Variants in DOCK5 observed in about 807,000 individuals in gnomAD.
The protein encoded by DOCK5 is dedicator of cytokinesis 5.
A neutral mutation model predicts 251.8 loss-of-function variants in DOCK5; 142 were observed. The observed-to-expected ratio is 0.56, with a 90% CI of 0.49 to 0.65. The LOEUF is 0.65. Among genes scored for constraint, DOCK5 ranks in the 30% least tolerant of loss-of-function variants. The pLI, the probability that DOCK5 is intolerant of heterozygous loss-of-function variation, is 0.00. For missense variants in DOCK5, 2,111 were observed against 2,312.3 expected, an observed-to-expected ratio of 0.91 and a Z score of 1.79; for synonymous variants, 842 against 835.5, an observed-to-expected ratio of 1.01 and a Z score of -0.13.
rs747134524 is a variant in DOCK5 at position 25,321,059 on chromosome 8, A to G, written c.1615+7A>G. 6 of 1,612,024 alleles carry G rather than the reference A, an allele frequency of 3.7e-6. No individual in the cohort carries two copies. The Admixed American group carries it at 1.0e-4, about 27-fold the overall frequency. ...CACAGGTCATCTCAGGAAAGTAAGT[A>G]TTAAGACGTCTATGACATATTTCCA... On this transcript the variant is annotated splice_region_variant and intron_variant, in intron 16 of 51. Transcript: ENST00000276440.
At chr8:25,220,382 T>C (rs905975594) in intron 1 of DOCK5, among the ~76,000 whole-genome samples, 1 of 152,166 alleles carries the variant, frequency 6.6e-6, no homozygotes, top group Non-Finnish European at 1.5e-5. Context: ...TTGTTCTCTT[T>C]CTCTCTAAGA....
Position 25,217,176 on chromosome 8 carries a change from G to GGA in DOCK5, c.44-26487_44-26486dup, listed in dbSNP as rs557812748. 2.1e-3 allele frequency among the ~76,000 whole-genome samples: 314 copies of GGA among 147,618 alleles called. 2 individuals carry two copies. The highest frequency in any genetic ancestry group is 7.4e-3 in the African/African-American group (299 of 40,238). On this transcript the variant is annotated intron_variant, in intron 1 of 51. Transcript: ENST00000276440. ...AGCATTGTTCACTTTCCTGTTGTAG[G>GGA]GAGAGAGAGAGATATATATATATAT...
chr8:25,317,257 A>G, intron 14 of DOCK5, 126 bp downstream of exon 14: 2 of 1,435,576 alleles, frequency 1.4e-6, no homozygotes, highest in South Asian at 2.7e-5. Flanking sequence ...GAAAAGAAAT[A>G]TAAAGCCTGT....
At chr8:25,218,444 C>T (rs1434308830) in intron 1 of DOCK5, among the ~76,000 whole-genome samples, 1 of 152,200 alleles carries the variant, frequency 6.6e-6, no homozygotes, top group Admixed American at 6.5e-5. Context: ...ACGCTGCTTG[C>T]CTCCATAGTG....
Position 25,351,795 on chromosome 8 carries a change from T to C in DOCK5, c.2819T>C (p.Val940Ala). The change falls in exon 27 of 52, where the codon GTG (valine) becomes GCG (alanine). Residue 940 changes from valine (V) to alanine (A), a missense_variant. Val to Ala is a moderately conservative substitution (Grantham distance 64, BLOSUM62 0). Coordinates refer to ENST00000276440, the MANE Select transcript of DOCK5 (RefSeq NM_024940.8). ...ERLLRRINRTVIGMNRQSPHI... is the reference protein window; with the variant it reads ...ERLLRRINRTAIGMNRQSPHI... ...CTGCTGAGAAGGATCAACCGGACAG[T>C]GATTGGGATGAACCGGCAGTCTCCC... The C allele has an allele frequency of 6.2e-7, 1 of 1,613,836 alleles. No individual in the cohort carries two copies. The highest frequency in any genetic ancestry group is 8.5e-7 in the Non-Finnish European group (1 of 1,179,836).
chr8:25,296,702 GT>G, intron 7 of DOCK5, 54 bp downstream of exon 7: 1 of 1,592,736 alleles, frequency 6.3e-7, no homozygotes, highest in Non-Finnish European at 8.6e-7. Context: ...TTTTGCCTTG[GT>G]TTTTAATGAA....
chr8:25,281,235 C>T (rs1053352436), intron 5 of DOCK5, among the ~76,000 whole-genome samples: 1 of 150,738 alleles, frequency 6.6e-6, no homozygotes, highest in Non-Finnish European at 1.5e-5. Flanking sequence ...AAAACCAGCC[C>T]GTCCCAATAT....
intron 1 of DOCK5, among the ~76,000 whole-genome samples, chr8:25,196,208 C>A (rs1314640869): frequency 6.6e-6 from 1 of 152,016 alleles, no homozygotes; most frequent in African/African-American, 2.4e-5. Flanking sequence ...TTTCTGGAGG[C>A]TTTATGGAGG....
intron 23 of DOCK5, among the ~76,000 whole-genome samples, chr8:25,341,482 T>TA: frequency 6.6e-6 from 1 of 152,294 alleles, no homozygotes; most frequent in Middle Eastern, 3.4e-3. Flanking sequence ...ACCACCTCCT[T>TA]AGGCAGAGAA....
intron 2 of DOCK5, among the ~76,000 whole-genome samples, chr8:25,244,456 C>T (rs541196248): frequency 6.6e-6 from 1 of 152,300 alleles, no homozygotes; most frequent in Admixed American, 6.5e-5. Context: ...TGGAGCACAA[C>T]AAAAGCATAG....
At chr8:25,353,148 G>A (rs1360308768) in intron 27 of DOCK5, among the ~76,000 whole-genome samples, 1 of 152,016 alleles carries the variant, frequency 6.6e-6, no homozygotes, top group African/African-American at 2.4e-5. Context: ...ACTGGCCTGG[G>A]CAACACAGCA....
chr8:25,206,519 C>T (rs1244016877), intron 1 of DOCK5, among the ~76,000 whole-genome samples: 1 of 152,142 alleles, frequency 6.6e-6, no homozygotes, highest in Non-Finnish European at 1.5e-5. Flanking sequence ...CAAACTAGTA[C>T]AAGTTTGCTC....
rs369984539 is a variant in DOCK5, at chr8:25,296,539, G to A, written c.497G>A (p.Arg166Gln). 1.2e-5 allele frequency: 19 copies of A among 1,610,878 alleles called. No homozygotes were observed. The highest frequency in any genetic ancestry group is 1.4e-5 in the Non-Finnish European group (17 of 1,178,684). The change falls in exon 7 of 52, where the codon CGA (arginine) becomes CAA (glutamine). Residue 166 changes from arginine to glutamine, a missense_variant. Around this residue, in one of 3 missense-constraint regions of DOCK5, gnomAD observed 335 missense variants for 324.9 expected, o/e 1.03. Transcript: ENST00000276440. Reference protein sequence around the residue: ...NRMLGLDLVVRDDNGNILDPD... With the variant: ...NRMLGLDLVVQDDNGNILDPD... ...ATGCTGGGGTTAGATCTGGTGGTGC[G>A]AGATGACAATGGGAACATCCTAGAC...
Position 25,331,801 on chromosome 8 carries a change from TAGAGAGAGAGAGAGAG to T in DOCK5, c.1904-424_1904-409del, listed in dbSNP as rs59239520. ...TAATGCATATATATATATATATATA[TAGAGAGAGAGAGAGAG>T]AGAGAGAGAGAGAGAGAGAGAGAGA... On this transcript the variant is annotated intron_variant, in intron 18 of 51. Coordinates refer to ENST00000276440, the MANE Select transcript of DOCK5 (RefSeq NM_024940.8). Among the ~76,000 whole-genome samples, 659 of 118,472 alleles carry T rather than the reference TAGAGAGAGAGAGAGAG, an allele frequency of 5.6e-3. 5 individuals carry two copies. Among genetic ancestry groups the T allele is most frequent in the African/African-American group, 0.019 (544 of 28,976 alleles). 77.7% of individuals were successfully genotyped at this position (118,472 alleles called of 152,430 possible).
Position 25,304,335 on chromosome 8 carries a change from C to G in DOCK5, c.1049+8C>G. On this transcript the variant is annotated splice_region_variant and intron_variant, in intron 11 of 51. Transcript: ENST00000276440. ...TTTTATTCCCTTTCAGCAGTAAGTA[C>G]TTTGGCATGTGTCCCAGGTGACTTG... 1 of 1,602,808 alleles carries G rather than the reference C, an allele frequency of 6.2e-7. No individual in the cohort carries two copies. Among genetic ancestry groups the G allele is most frequent in the Non-Finnish European group, 8.5e-7 (1 of 1,174,760 alleles).
At chr8:25,215,911 TTTTCAAATCCTGGAAATAAATAC>T (rs1802230426) in intron 1 of DOCK5, among the ~76,000 whole-genome samples, 1 of 150,096 alleles carries the variant, frequency 6.7e-6, no homozygotes, top group Non-Finnish European at 1.5e-5. Context: ...TTTCTTAATC[TTTTCAAATCCTGGAAATAAATAC>T]ACACACACAC....
At chr8:25,226,258 CTTTTTTT>C (rs1179597860) in intron 1 of DOCK5, among the ~76,000 whole-genome samples, 1 of 116,946 alleles carries the variant, frequency 8.6e-6, no homozygotes, top group Non-Finnish European at 1.7e-5. Flanking sequence ...GTATAGGCTG[CTTTTTTT>C]TTTTTTTTTT....
At position 25,321,007 on chromosome 8, in the gene DOCK5, C is replaced by G. The variant is rs140865121; in HGVS notation, c.1570C>G (p.Arg524Gly). Residue 524 changes from arginine to glycine, a missense_variant, in exon 16 of 52, where the codon CGC (arginine) becomes GGC (glycine). Physicochemically the swap from Arg to Gly is moderately radical, Grantham distance 125 (BLOSUM62 -2). Coordinates refer to ENST00000276440, the MANE Select transcript of DOCK5 (RefSeq NM_024940.8). ...ATCCATTGCTATAGAAGAAGTCACA[C>G]GCTGTCATATAAGATTTACCTTCCG... ...KVSIAIEEVT[R>G]CHIRFTFRHR... 6.6e-5 allele frequency: 106 copies of G among 1,613,484 alleles called. No homozygotes were observed. The Middle Eastern group carries it at 2.2e-3, about 33-fold the overall frequency.
intron 45 of DOCK5, among the ~76,000 whole-genome samples, chr8:25,397,131 A>G (rs902976561): frequency 7.9e-5 from 12 of 152,038 alleles, no homozygotes; most frequent in African/African-American, 2.9e-4. Flanking sequence ...CTGAGGCATT[A>G]GAATTGCTTG....
Sources: gnomAD v4.1 joint callset for allele counts (sites outside exome capture counted in the v4.1 genomes callset) on GRCh38, gnomAD v4.1.1 for gene constraint, gnomAD v4.1.1 regional missense constraint, MANE v1.5 for transcripts, NCBI Gene and HGNC (gene_info 2026-07-23, HGNC 2026-07-21) for gene names.